Variants in BRD7 observed in about 807,000 individuals in gnomAD.
The protein encoded by BRD7 is bromodomain containing 7.
Under a neutral mutation model 82.1 loss-of-function variants are expected in BRD7, and 15 were observed. That is an observed-to-expected ratio of 0.18 (90% CI 0.12 to 0.28). The LOEUF is 0.28. Ranked by LOEUF, BRD7 falls within the 10% of genes least tolerant of loss-of-function variation. The pLI is 1.00. For synonymous variants in BRD7, 232 were observed against 266.9 expected, an observed-to-expected ratio of 0.87 and a Z score of 1.27; for missense variants, 638 against 779.9, an observed-to-expected ratio of 0.82 and a Z score of 2.17.
intron 9 of BRD7, among the ~76,000 whole-genome samples, chr16:50,326,839 C>T (rs1039440624): frequency 1.3e-5 from 2 of 152,042 alleles, no homozygotes; most frequent in South Asian, 2.1e-4. Flanking sequence ...TTTAGTGCAA[C>T]GAGAACAGGC....
At chr16:50,325,932 A>G (rs760543184) in intron 10 of BRD7, 49 bp from the exon 11 acceptor site, 1 of 1,517,178 alleles carries the variant, frequency 6.6e-7, no homozygotes, top group African/African-American at 1.4e-5. Context: ...CTTGCATGTC[A>G]ATCTATTTTG....
intron 5 of BRD7, among the ~76,000 whole-genome samples, chr16:50,342,309 A>G (rs2038098978): frequency 1.3e-5 from 2 of 152,244 alleles, no homozygotes; most frequent in Admixed American, 6.5e-5. Flanking sequence ...ATTTCTCGAA[A>G]TAAGAGAGAA....
At chr16:50,349,442 T>C (rs1597077347) in intron 5 of BRD7, 4 of 361,278 alleles carry the variant, frequency 1.1e-5, no homozygotes, top group Non-Finnish European at 2.2e-5. Context: ...AAAAAGAAAG[T>C]GTGTAGCACT....
chr16:50,319,497 C>A (rs1041580758), intron 16 of BRD7, among the ~76,000 whole-genome samples: 5 of 152,042 alleles, frequency 3.3e-5, no homozygotes, highest in Admixed American at 6.6e-5. Flanking sequence ...GTAGTTTATA[C>A]ATTAAAAACA....
chr16:50,346,978 T>C (rs955349605), intron 5 of BRD7, among the ~76,000 whole-genome samples: 2 of 152,198 alleles, frequency 1.3e-5, no homozygotes, highest in Admixed American at 1.3e-4. Context: ...TTTAGACCAA[T>C]ATCCCTGATG....
At chr16:50,344,693 G>A (rs377166742) in intron 5 of BRD7, among the ~76,000 whole-genome samples, 3 of 152,120 alleles carry the variant, frequency 2.0e-5, no homozygotes, top group East Asian at 1.9e-4. Context: ...TGAATGAAAT[G>A]AAGCAAAAAG....
chr16:50,317,765 GAC>G lies in BRD7; in HGVS notation c.*1444_*1445del, dbSNP rs1295721287. On this transcript the variant is annotated 3_prime_UTR_variant, in exon 17 of 17. Coordinates refer to ENST00000394688, the MANE Select transcript of BRD7 (RefSeq NM_013263.5). The stretch of plus-strand genomic sequence containing the variant: ...ACTGGTGTCATTTTGTTTTATGACA[GAC>G]ACACGTATCTAACAAACAAACAAAC... The G allele has an allele frequency of 1.3e-5, 2 of 152,292 alleles. No individual in the cohort carries two copies. Among genetic ancestry groups the G allele is most frequent in the African/African-American group, 4.8e-5 (2 of 41,426 alleles). The allele number at this position is 152,292 out of a possible 1,614,324, so 9.4% of individuals were successfully genotyped here. A position where few individuals can be genotyped will look rare whatever the true frequency, so the allele number is the denominator to read the frequency against.
intron 9 of BRD7, among the ~76,000 whole-genome samples, chr16:50,328,293 C>T (rs780852538): frequency 6.6e-6 from 1 of 152,122 alleles, no homozygotes; most frequent in Non-Finnish European, 1.5e-5. Context: ...TCATTTTATT[C>T]CCTGAAATAA....
At chr16:50,349,946 G>C (rs545586292) in intron 5 of BRD7, 77 bp downstream of exon 5, 122 of 1,272,578 alleles carry the variant, frequency 9.6e-5, no homozygotes, top group Non-Finnish European at 1.3e-4. Flanking sequence ...CAAAATAAAA[G>C]GTCAATGAGA....
intron 2 of BRD7, among the ~76,000 whole-genome samples, chr16:50,358,356 A>C (rs201128870): frequency 1.7e-3 from 1 of 606 alleles, no homozygotes; most frequent in Non-Finnish European, 6.0e-3. Flanking sequence ...GAAATCCAGG[A>C]GTTTTGGTGT....
intron 11 of BRD7, 61 bp from the exon 12 acceptor site, chr16:50,323,759 C>T: frequency 8.0e-7 from 1 of 1,248,960 alleles, no homozygotes. Flanking sequence ...ATCCTCCCAT[C>T]AGAGCCAACT....
chr16:50,341,967 C>CACACACACAT (rs571195473), intron 5 of BRD7, among the ~76,000 whole-genome samples: 3 of 149,086 alleles, frequency 2.0e-5, no homozygotes, highest in Admixed American at 1.3e-4. Flanking sequence ...CACACACACA[C>CACACACACAT]ATTTTACTTC....
chr16:50,342,455 C>CTTTTTTTTTT (rs34093559), intron 5 of BRD7, among the ~76,000 whole-genome samples: 7 of 102,940 alleles, frequency 6.8e-5, no homozygotes, highest in Non-Finnish European at 9.0e-5. Flanking sequence ...AAGACACTGT[C>CTTTTTTTTTT]TTTTTTTTTT....
chr16:50,337,210 GTATT>G (rs1406905498), intron 6 of BRD7, among the ~76,000 whole-genome samples: 1 of 147,604 alleles, frequency 6.8e-6, no homozygotes, highest in African/African-American at 2.5e-5. Context: ...TTTTACTCAA[GTATT>G]TATTTAGGAG....
Position 50,316,265 on chromosome 16 carries a change from A to AGAG in BRD7, c.*2943_*2945dup, listed in dbSNP as rs2036795164. ...TATGGGGTCAGCTGGCTGTGGGGAT[A>AGAG]GAGTCCTGAGGAATGTGGTCACAGC... On this transcript the variant is annotated 3_prime_UTR_variant, in exon 17 of 17. Transcript: ENST00000394688. The AGAG allele has an allele frequency of 3.3e-5, 5 of 152,530 alleles. No homozygotes were observed. Among genetic ancestry groups the AGAG allele is most frequent in the Admixed American group, 2.6e-4 (4 of 15,304 alleles). 9.4% of individuals were successfully genotyped at this position (152,530 alleles called of 1,614,324 possible). A position where few individuals can be genotyped will look rare whatever the true frequency, so the allele number is the denominator to read the frequency against.
chr16:50,337,755 A>C (rs757882085), intron 6 of BRD7, among the ~76,000 whole-genome samples: 1 of 152,160 alleles, frequency 6.6e-6, no homozygotes, highest in East Asian at 1.9e-4. Context: ...TTAACTCAAA[A>C]GGTCTAAATT....
chr16:50,339,586 T>C (rs942614186), intron 6 of BRD7, among the ~76,000 whole-genome samples: 7 of 152,246 alleles, frequency 4.6e-5, no homozygotes, highest in East Asian at 3.9e-4. Context: ...ATTTTCTTAC[T>C]AGAAATTCTG....
At chr16:50,334,598 C>T in intron 7 of BRD7, 113 bp downstream of exon 7, 1 of 1,261,850 alleles carries the variant, frequency 7.9e-7, no homozygotes. Context: ...AAAACACCAC[C>T]ACCACCGACA....
chr16:50,333,539 G>GT (rs1330523902), intron 8 of BRD7, 35 bp downstream of exon 8: 1 of 1,600,252 alleles, frequency 6.2e-7, no homozygotes, highest in Middle Eastern at 2.3e-4. Context: ...CCCCAAATCA[G>GT]TAGGTAGAGA....
Sources: gnomAD v4.1 joint callset for allele counts (sites outside exome capture counted in the v4.1 genomes callset) on GRCh38, gnomAD v4.1.1 for gene constraint, MANE v1.5 for transcripts, NCBI Gene and HGNC (gene_info 2026-07-23, HGNC 2026-07-21) for gene names.